The following BICC1 variants were observed in gnomAD, a reference collection of about 807,000 sequenced individuals.
BICC1 encodes BicC family RNA binding protein 1.
In BICC1, 43 loss-of-function variants were observed where a neutral mutation model predicts 111.0. The ratio of observed to expected loss-of-function variants is 0.39; its 90% CI spans 0.30 to 0.50. The LOEUF (loss-of-function observed/expected upper bound fraction) is 0.50. BICC1 is among the 20% of genes least tolerant of loss of function. The probability of loss-of-function intolerance (pLI) is 0.88; values close to 1 mark genes in which losing one functional copy is unlikely to be tolerated. For missense variants in BICC1, 1,091 were observed against 1,203.2 expected (o/e 0.91, Z 1.38); for synonymous variants, 467 against 434.4 (o/e 1.07, Z -0.93).
At chr10:58,706,661 A>G (rs960646954) in intron 3 of BICC1, among the ~76,000 whole-genome samples, 5 of 152,104 alleles carry the variant, frequency 3.3e-5, no homozygotes, top group Non-Finnish European at 7.4e-5. Flanking sequence ...ATGATAGTGA[A>G]TGAGTTCTCA....
At chr10:58,814,200 C>A in intron 18 of BICC1, 2 of 642,042 alleles carry the variant, frequency 3.1e-6, no homozygotes, top group Non-Finnish European at 5.7e-6. Context: ...TTCACTCTAG[C>A]ACTTGCCATA....
intron 2 of BICC1, among the ~76,000 whole-genome samples, chr10:58,628,204 C>G (rs896329158): frequency 2.0e-5 from 3 of 152,116 alleles, no homozygotes; most frequent in African/African-American, 7.2e-5. Flanking sequence ...TTAAAAACAA[C>G]TACCATCTTA....
chr10:58,793,525 A>C lies in BICC1; in HGVS notation c.1089A>C (p.Glu363Asp), dbSNP rs768559649. ...PLVLMFDMKE[E>D]IEVDPQFIAQ... ...TGTTGATGTTTGATATGAAGGAAGA[A>C]ATTGAAGTAGATCCACAATTCATTG... The change falls in exon 9 of 21, where the codon GAA becomes GAC. Residue 363 changes from glutamate (E) to aspartate (D), a missense_variant. Glu to Asp is a conservative substitution (Grantham distance 45). Coordinates refer to ENST00000373886, the MANE Select transcript of BICC1 (RefSeq NM_001080512.3). The C allele has an allele frequency of 1.7e-5, 27 of 1,613,354 alleles. No homozygotes were observed. The highest frequency in any genetic ancestry group is 2.3e-5 in the Non-Finnish European group (27 of 1,179,448).
intron 9 of BICC1, among the ~76,000 whole-genome samples, chr10:58,795,764 A>G (rs1204823009): frequency 6.6e-6 from 1 of 152,014 alleles, no homozygotes; most frequent in Non-Finnish European, 1.5e-5. Flanking sequence ...TTTTTTTACC[A>G]TAAGCTTTGC....
At chr10:58,769,372 ATGTATGTG>A (rs1326800579) in intron 3 of BICC1, among the ~76,000 whole-genome samples, 91 of 86,238 alleles carry the variant, frequency 1.1e-3, no homozygotes, top group South Asian at 6.4e-3. Context: ...TAGTTTTATA[ATGTATGTG>A]TGTGTGTGTG....
intron 2 of BICC1, among the ~76,000 whole-genome samples, chr10:58,666,167 CA>C (rs1302221480): frequency 6.6e-6 from 1 of 152,010 alleles, no homozygotes; most frequent in Non-Finnish European, 1.5e-5. Context: ...AATTTATAGA[CA>C]AAAAAACGTA....
chr10:58,769,402 G>GTATATATATATATATATATATA lies in BICC1; in HGVS notation c.308-15598_308-15597insATATATATATATATATATATAT, dbSNP rs879547814. 1.5e-3 allele frequency among the ~76,000 whole-genome samples: 165 copies of GTATATATATATATATATATATA among 112,112 alleles called. 1 individual carries two copies. Among genetic ancestry groups the GTATATATATATATATATATATA allele is most frequent in the Middle Eastern group, 5.0e-3 (1 of 202 alleles). The allele number at this position is 112,112 out of a possible 152,430, so 73.5% of individuals were successfully genotyped here. On this transcript the variant is annotated intron_variant, in intron 3 of 20. Transcript: ENST00000373886. Reference sequence around the variant, plus strand: ...TGTGTGTGTGTGTGTGTGTGTGTGTGTGTATATATATATATATATATATAA... The same window carrying GTATATATATATATATATATATA: ...TGTGTGTGTGTGTGTGTGTGTGTGTGTATATATATATATATATATATATGTATATATATATATATATATATAA...
intron 2 of BICC1, among the ~76,000 whole-genome samples, chr10:58,651,044 A>G (rs1345936186): frequency 6.6e-6 from 1 of 152,130 alleles, no homozygotes; most frequent in Non-Finnish European, 1.5e-5. Flanking sequence ...CCCAGCTTAC[A>G]AATTACTTTT....
At chr10:58,704,159 G>A (rs976190889) in intron 3 of BICC1, among the ~76,000 whole-genome samples, 2 of 152,310 alleles carry the variant, frequency 1.3e-5, no homozygotes, top group Non-Finnish European at 2.9e-5. Context: ...CAGTACATTC[G>A]AGGGTGTTTG....
chr10:58,754,582 G>T (rs1842086555), intron 3 of BICC1, among the ~76,000 whole-genome samples: 1 of 152,158 alleles, frequency 6.6e-6, no homozygotes, highest in Admixed American at 6.5e-5. Context: ...CCAAAGGTTG[G>T]CAACCTTTGC....
intron 2 of BICC1, among the ~76,000 whole-genome samples, chr10:58,687,722 C>T (rs746814399): frequency 4.6e-5 from 7 of 152,102 alleles, no homozygotes; most frequent in East Asian, 1.9e-4. Flanking sequence ...ATTGGAAAAG[C>T]GCAGTATTAG....
chr10:58,623,380 C>T (rs1387605590), intron 2 of BICC1, among the ~76,000 whole-genome samples: 1 of 152,144 alleles, frequency 6.6e-6, no homozygotes, highest in African/African-American at 2.4e-5. Context: ...TTATTATACA[C>T]TTCTTCCATT....
At chr10:58,552,759 C>T (rs553618879) in intron 1 of BICC1, among the ~76,000 whole-genome samples, 1 of 152,254 alleles carries the variant, frequency 6.6e-6, no homozygotes, top group South Asian at 2.1e-4. Flanking sequence ...TATAATTTCT[C>T]TAGGTCTCAG....
chr10:58,530,161 G>T (rs1009404368), intron 1 of BICC1, among the ~76,000 whole-genome samples: 1 of 151,784 alleles, frequency 6.6e-6, no homozygotes, highest in South Asian at 2.1e-4. Context: ...AGGAGATCAC[G>T]TAGAGTAAGG....
intron 2 of BICC1, among the ~76,000 whole-genome samples, chr10:58,666,334 A>G (rs1236727336): frequency 1.3e-5 from 2 of 152,218 alleles, no homozygotes; most frequent in Non-Finnish European, 2.9e-5. Context: ...CTATTGTTTC[A>G]GGTGCATATT....
intron 3 of BICC1, among the ~76,000 whole-genome samples, chr10:58,733,384 G>A (rs1176534155): frequency 6.6e-6 from 1 of 152,220 alleles, no homozygotes; most frequent in Non-Finnish European, 1.5e-5. Flanking sequence ...TGTAAAAAAA[G>A]TATTCCTCTC....
chr10:58,587,612 A>G (rs1844471857), intron 1 of BICC1, among the ~76,000 whole-genome samples: 1 of 152,202 alleles, frequency 6.6e-6, no homozygotes, highest in Non-Finnish European at 1.5e-5. Flanking sequence ...AGAAGGTAAT[A>G]TTCCTTACTG....
intron 1 of BICC1, among the ~76,000 whole-genome samples, chr10:58,555,306 ATTTTTTTTTTTTTTTT>A (rs61692850): frequency 2.0e-5 from 2 of 102,536 alleles, no homozygotes; most frequent in East Asian, 2.7e-4. Context: ...GCTGTTGGAC[ATTTTTTTTTTTTTTTT>A]TTTTTTTTTT....
chr10:58,641,578 C>T (rs1199000600), intron 2 of BICC1, among the ~76,000 whole-genome samples: 8 of 151,548 alleles, frequency 5.3e-5, no homozygotes, highest in Non-Finnish European at 7.4e-5. Flanking sequence ...CTTGGCTATT[C>T]GAGTATTGAC....
Sources: gnomAD v4.1 joint callset for allele counts (sites outside exome capture counted in the v4.1 genomes callset) on GRCh38, gnomAD v4.1.1 for gene constraint, MANE v1.5 for transcripts, NCBI Gene and HGNC (gene_info 2026-07-23, HGNC 2026-07-21) for gene names.